The following FAN1 variants were observed in gnomAD, a reference collection of about 807,000 sequenced individuals.
The protein encoded by FAN1 is FANCD2 and FANCI associated nuclease 1, also known as fanconi-associated nuclease 1.
FAN1 carries 91 observed loss-of-function variants against 104.9 expected under a neutral mutation model. The observed-to-expected ratio is 0.87, with a 90% CI of 0.73 to 1.03. The LOEUF (loss-of-function observed/expected upper bound fraction) is 1.03, where lower values mean the gene tolerates loss of function less well. Among genes scored for constraint, FAN1 ranks in the 50% least tolerant of loss-of-function variants. FAN1 has a pLI of 0.00. For missense variants in FAN1, 1,263 were observed against 1,239.9 expected (o/e 1.02, Z -0.28); for synonymous variants, 478 against 457.6 (o/e 1.04, Z -0.57).
rs917357742 is a variant in FAN1 at position 30,923,225 on chromosome 15, A to G, written c.2172+871A>G. Among the ~76,000 whole-genome samples, 4 of 152,172 alleles carry G rather than the reference A, an allele frequency of 2.6e-5. No individual in the cohort carries two copies. In the East Asian group the frequency reaches 7.7e-4, roughly 29 times the overall value. On this transcript the variant is annotated intron_variant, in intron 8 of 14. Transcript: ENST00000362065. ...TACCTCACGTATCAGGGAAAGAGCC[A>G]GTAAAGCTATTTCCTCTCATGGAGG...
intron 5 of FAN1, among the ~76,000 whole-genome samples, chr15:30,914,688 T>C: frequency 6.6e-6 from 1 of 152,196 alleles, no homozygotes; most frequent in East Asian, 1.9e-4. Flanking sequence ...GACACAGACA[T>C]ATTAACAAAC....
chr15:30,923,938 T>C (rs974051436), intron 8 of FAN1, among the ~76,000 whole-genome samples: 1 of 152,204 alleles, frequency 6.6e-6, no homozygotes, highest in Non-Finnish European at 1.5e-5. Flanking sequence ...GTGTGACCAT[T>C]GCCTCTCCAC....
At chr15:30,935,980 A>G (rs1401668739) in intron 13 of FAN1, among the ~76,000 whole-genome samples, 1 of 152,048 alleles carries the variant, frequency 6.6e-6, no homozygotes, top group Admixed American at 6.6e-5. Context: ...TACTGTTTTC[A>G]TCAAATTTGG....
intron 13 of FAN1, among the ~76,000 whole-genome samples, chr15:30,932,094 C>T (rs1488067862): frequency 2.0e-5 from 3 of 151,624 alleles, no homozygotes; most frequent in African/African-American, 2.4e-5. Flanking sequence ...TGGTGGCGGG[C>T]GCCTGTAGTC....
At chr15:30,911,636 C>G in intron 4 of FAN1, 1 of 922,942 alleles carries the variant, frequency 1.1e-6, no homozygotes, top group Middle Eastern at 5.5e-4. Flanking sequence ...AATTAATTGA[C>G]TTGAGAAGTA....
chr15:30,905,174 G>C lies in FAN1; in HGVS notation c.511G>C (p.Asp171His). Residue 171 changes from aspartate to histidine, a missense_variant, in exon 2 of 15, where the codon GAT (aspartate) becomes CAT (histidine). Physicochemically the swap from Asp to His is moderately conservative, Grantham distance 81. Transcript: ENST00000362065. ...RKYVKAKKSI[D>H]KDEEFAGSSP... ...ATACGTAAAGGCTAAAAAATCAATA[G>C]ATAAGGATGAAGAATTTGCCGGTTC... 6.2e-7 allele frequency: 1 copy of C among 1,613,732 alleles called. No individual in the cohort carries two copies. Among genetic ancestry groups the C allele is most frequent in the Non-Finnish European group, 8.5e-7 (1 of 1,179,968 alleles).
At chr15:30,922,200 A>G in intron 7 of FAN1, 35 bp from the exon 8 acceptor site, 1 of 1,592,294 alleles carries the variant, frequency 6.3e-7, no homozygotes, top group Non-Finnish European at 8.5e-7. Context: ...ATTTTTTGTG[A>G]ATCTAATGAG....
chr15:30,919,767 A>G (rs544786977), intron 6 of FAN1, among the ~76,000 whole-genome samples: 1 of 152,156 alleles, frequency 6.6e-6, no homozygotes, highest in African/African-American at 2.4e-5. Context: ...GTGGATCATC[A>G]TGAAGGTCTT....
chr15:30,925,897 G>A lies in FAN1; in HGVS notation c.2446G>A (p.Glu816Lys), dbSNP rs1595863018. 3 of 1,614,258 alleles carry A rather than the reference G, an allele frequency of 1.9e-6. No individual in the cohort carries two copies. The highest frequency in any genetic ancestry group is 2.5e-6 in the Non-Finnish European group (3 of 1,180,050). Residue 816 changes from glutamate to lysine, a missense_variant, in exon 10 of 15, where the codon GAG (glutamate) becomes AAG (lysine). Glu to Lys is a moderately conservative substitution (Grantham distance 56). Around this residue, in one of 2 missense-constraint regions of FAN1, gnomAD observed 581 missense variants for 668.8 expected, o/e 0.87. Coordinates refer to ENST00000362065, the MANE Select transcript of FAN1 (RefSeq NM_014967.5). Reference protein sequence around the residue: ...DPTTVLCSVEELALAHYRRSG... With the variant: ...DPTTVLCSVEKLALAHYRRSG... ...CACCACGGTCCTGTGCTCTGTGGAG[G>A]AGCTGGCACTGGCCCATTACAGACG...
intron 4 of FAN1, 56 bp from the exon 5 acceptor site, chr15:30,913,802 C>G: frequency 8.9e-7 from 1 of 1,118,318 alleles, no homozygotes; most frequent in Non-Finnish European, 1.3e-6. Flanking sequence ...TTTGTAAAAT[C>G]TGACATCCAA....
Position 30,941,632 on chromosome 15 carries a change from G to GTGA in FAN1, c.*71_*73dup. The GTGA allele has an allele frequency of 6.2e-7, 1 of 1,607,736 alleles. No homozygotes were observed. Among genetic ancestry groups the GTGA allele is most frequent in the Non-Finnish European group, 8.5e-7 (1 of 1,176,984 alleles). ...CCGGTGTCCCCGAGGTGTCGGTGTGGTGAGGGCCGCTGGCGTTGAAGTACA... is the reference window on the plus strand; with the variant it reads ...CCGGTGTCCCCGAGGTGTCGGTGTGGTGATGAGGGCCGCTGGCGTTGAAGTACA... On this transcript the variant is annotated 3_prime_UTR_variant, in exon 15 of 15. Coordinates refer to ENST00000362065, the MANE Select transcript of FAN1 (RefSeq NM_014967.5).
chr15:30,906,480 G>C (rs777314820), intron 2 of FAN1: 1 of 456,564 alleles, frequency 2.2e-6, no homozygotes, highest in Non-Finnish European at 4.4e-6. Flanking sequence ...TGGCAGCCAG[G>C]GGTGGCTCCA....
chr15:30,904,977 C>T lies in FAN1; in HGVS notation c.314C>T (p.Pro105Leu). 1 of 1,613,948 alleles carries T rather than the reference C, an allele frequency of 6.2e-7. No homozygotes were observed. The highest frequency in any genetic ancestry group is 1.1e-5 in the South Asian group (1 of 91,070). Residue 105 changes from proline (P) to leucine (L), a missense_variant, in exon 2 of 15, where the codon CCA becomes CTA. Physicochemically the swap from Pro to Leu is moderately conservative, Grantham distance 98. This residue lies in a region of FAN1 where 682 missense variants were observed against 571.1 expected (regional missense o/e 1.19). Transcript: ENST00000362065. Reference protein sequence around the residue: ...EDVTPKKSPPPKTNLTPGQSD... With the variant: ...EDVTPKKSPPLKTNLTPGQSD... ...GTAACACCTAAGAAGTCACCACCAC[C>T]AAAGACAAATTTAACCCCTGGCCAA... is the stretch of plus-strand genomic sequence containing the variant.
rs756207249 is a variant in FAN1 at position 30,905,833 on chromosome 15, A to C, written c.1170A>C (p.Glu390Asp). The C allele has an allele frequency of 1.2e-6, 2 of 1,614,158 alleles. No individual in the cohort carries two copies. Among genetic ancestry groups the C allele is most frequent in the Non-Finnish European group, 8.5e-7 (1 of 1,179,982 alleles). ...TGCTGAAAACCGTACTTGAGAATGA[A>C]GATGATATGTTGCTCTTTGATGAGC... The part of the protein sequence containing the change: ...LVVLKTVLEN[E>D]DDMLLFDEQE... The change falls in exon 2 of 15, where the codon GAA (glutamate) becomes GAC (aspartate). Residue 390 changes from glutamate to aspartate, a missense_variant. Transcript: ENST00000362065.
chr15:30,928,695 C>T (rs750100150), intron 11 of FAN1, 39 bp downstream of exon 11: 1 of 1,612,642 alleles, frequency 6.2e-7, no homozygotes, highest in South Asian at 1.1e-5. Flanking sequence ...GGTCCTTCTG[C>T]ACACATCCGT....
intron 12 of FAN1, among the ~76,000 whole-genome samples, chr15:30,929,905 AATATATAAT>A (rs2062644443): frequency 5.3e-5 from 4 of 75,076 alleles, no homozygotes; most frequent in Middle Eastern, 6.6e-3. Context: ...TAATATATAA[AATATATAAT>A]ATATATCATA....
At chr15:30,911,369 C>G (rs1274865952) in intron 4 of FAN1, 14 of 984,906 alleles carry the variant, frequency 1.4e-5, no homozygotes, top group Non-Finnish European at 1.7e-5. Flanking sequence ...TGGGAATTCA[C>G]TACTGTGGAG....
intron 11 of FAN1, 91 bp from the exon 12 acceptor site, chr15:30,929,112 G>T: frequency 9.1e-7 from 1 of 1,095,738 alleles, no homozygotes; most frequent in South Asian, 1.5e-5. Flanking sequence ...TCGGTTGGCC[G>T]GTTTCCAAGT....
intron 14 of FAN1, chr15:30,941,312 A>C: frequency 1.3e-6 from 2 of 1,527,420 alleles, no homozygotes; most frequent in Non-Finnish European, 1.8e-6. Flanking sequence ...ATAAGTGTGA[A>C]AGAAGCATGA....
Sources: gnomAD v4.1 joint callset for allele counts (sites outside exome capture counted in the v4.1 genomes callset) on GRCh38, gnomAD v4.1.1 for gene constraint, gnomAD v4.1.1 regional missense constraint, MANE v1.5 for transcripts, NCBI Gene and HGNC (gene_info 2026-07-23, HGNC 2026-07-21) for gene names.